LRBA: variants seen among roughly 807,000 people sequenced by gnomAD.
LRBA encodes LPS responsive beige-like anchor protein, also known as lipopolysaccharide-responsive and beige-like anchor protein.
A neutral mutation model predicts 330.0 loss-of-function variants in LRBA; 176 were observed. That is an observed-to-expected ratio of 0.53 (90% confidence interval 0.47 to 0.60). The LOEUF is 0.60. Among genes scored for constraint, LRBA ranks in the 20% least tolerant of loss-of-function variants. The pLI, the probability that LRBA is intolerant of heterozygous loss-of-function variation, is 0.00. For missense variants in LRBA, 3,259 were observed against 3,444.8 expected (o/e 0.95, Z 1.35); for synonymous variants, 1,230 against 1,193.0 (o/e 1.03, Z -0.64).
chr4:150,548,287 T>C (rs1766094661), intron 40 of LRBA, among the ~76,000 whole-genome samples: 1 of 152,176 alleles, frequency 6.6e-6, no homozygotes, highest in African/African-American at 2.4e-5. Context: ...AGTACTTTTG[T>C]CTTCTGTCCC....
chr4:150,441,755 C>T (rs552062283), intron 44 of LRBA, among the ~76,000 whole-genome samples: 1 of 151,676 alleles, frequency 6.6e-6, no homozygotes. Flanking sequence ...ACCTAGTACT[C>T]AAAAGTCCTT....
In LRBA at chr4:150,498,402, G is replaced by C. The variant is rs1759835064; in HGVS notation, c.6331-7367C>G. On this transcript the variant is annotated intron_variant, in intron 40 of 56. Coordinates refer to ENST00000651943, the MANE Select transcript of LRBA (RefSeq NM_001364905.1). ...CTTAATGAGTCAAAAGCCAAACGTA[G>C]TAATGAAGGAGAAGAACAAAGAAGG... 3.9e-5 allele frequency among the ~76,000 whole-genome samples: 6 copies of C among 152,126 alleles called. No homozygotes were observed. In the South Asian group the frequency reaches 1.2e-3, roughly 31 times the overall value.
intron 29 of LRBA, 56 bp downstream of exon 29, chr4:150,831,761 A>C: frequency 1.5e-6 from 2 of 1,355,788 alleles, no homozygotes; most frequent in Non-Finnish European, 2.0e-6. Context: ...TAACCATCAA[A>C]AGTAAGTAAC....
intron 38 of LRBA, among the ~76,000 whole-genome samples, chr4:150,595,666 A>C (rs1773407915): frequency 6.6e-6 from 1 of 151,944 alleles, no homozygotes; most frequent in African/African-American, 2.4e-5. Flanking sequence ...ATATTTAATA[A>C]TGAATTTTAG....
intron 40 of LRBA, among the ~76,000 whole-genome samples, chr4:150,495,915 CTTGTT>C (rs1759538823): frequency 6.6e-6 from 1 of 152,084 alleles, no homozygotes; most frequent in African/African-American, 2.4e-5. Flanking sequence ...TGTTTACCAC[CTTGTT>C]TTATTATTGT....
chr4:150,885,648 A>C (rs916255303), intron 17 of LRBA, among the ~76,000 whole-genome samples: 3 of 152,148 alleles, frequency 2.0e-5, no homozygotes, highest in Non-Finnish European at 4.4e-5. Context: ...ACAACTAAAC[A>C]AACCACAGTC....
chr4:150,723,427 A>C (rs1347720904), intron 36 of LRBA, among the ~76,000 whole-genome samples: 1 of 152,182 alleles, frequency 6.6e-6, no homozygotes, highest in Non-Finnish European at 1.5e-5. Context: ...CTTAGCTCTC[A>C]GATGATATTT....
intron 34 of LRBA, among the ~76,000 whole-genome samples, chr4:150,773,424 C>T (rs1157870531): frequency 6.6e-6 from 1 of 152,198 alleles, no homozygotes; most frequent in African/African-American, 2.4e-5. Flanking sequence ...TCAATTTGCT[C>T]AAGCATTGAA....
chr4:150,667,601 TA>T (rs1424345368), intron 37 of LRBA, among the ~76,000 whole-genome samples: 2 of 152,140 alleles, frequency 1.3e-5, no homozygotes, highest in Non-Finnish European at 2.9e-5. Flanking sequence ...GTGACAATAT[TA>T]GGAGGTAGGG....
At chr4:150,895,287 T>C (rs1729940573) in intron 16 of LRBA, among the ~76,000 whole-genome samples, 1 of 151,884 alleles carries the variant, frequency 6.6e-6, no homozygotes, top group African/African-American at 2.4e-5. Flanking sequence ...TTCTTTTTAT[T>C]TTTTTTTAAT....
At chr4:150,842,914 G>A (rs888753226) in intron 28 of LRBA, among the ~76,000 whole-genome samples, 4 of 151,952 alleles carry the variant, frequency 2.6e-5, no homozygotes, top group African/African-American at 9.7e-5. Context: ...AAGAGGCGGG[G>A]TGGGGGTAGG....
chr4:150,285,680 C>T (rs535910513), intron 54 of LRBA, among the ~76,000 whole-genome samples: 1 of 152,362 alleles, frequency 6.6e-6, no homozygotes, highest in East Asian at 1.9e-4. Context: ...TGGAAATGAT[C>T]TGTATCTGTG....
chr4:150,834,401 T>C (rs1471885566), intron 28 of LRBA, among the ~76,000 whole-genome samples: 1 of 152,220 alleles, frequency 6.6e-6, no homozygotes, highest in Non-Finnish European at 1.5e-5. Context: ...ATCCATGAAC[T>C]GCAGAATGAA....
chr4:150,505,724 T>G (rs1760976413), intron 40 of LRBA, among the ~76,000 whole-genome samples: 1 of 151,972 alleles, frequency 6.6e-6, no homozygotes, highest in African/African-American at 2.4e-5. Flanking sequence ...AAGAAATAAC[T>G]AAGATCAGAG....
At chr4:150,818,004 C>T (rs938759636) in intron 30 of LRBA, among the ~76,000 whole-genome samples, 1 of 152,056 alleles carries the variant, frequency 6.6e-6, no homozygotes, top group East Asian at 1.9e-4. Context: ...CACAGCAGTG[C>T]TTACTTTTAA....
rs72721709 is a variant in LRBA, at chr4:150,958,407, C to G, written c.217-29342G>C. Among the ~76,000 whole-genome samples the G allele has an allele frequency of 1.1e-3, 168 of 149,134 alleles. 1 individual carries two copies. The highest frequency in any genetic ancestry group is 1.7e-3 in the Non-Finnish European group (113 of 68,030). On this transcript the variant is annotated intron_variant, in intron 2 of 56. Coordinates refer to ENST00000651943, the MANE Select transcript of LRBA (RefSeq NM_001364905.1). ...CACAATGTCCCCAGACTGCACAAAG[C>G]TGCAAGTCCCGGAGGCCAGCCCACA...
At position 150,671,041 on chromosome 4, in the gene LRBA, T is replaced by TGAGA. The variant is rs369417809; in HGVS notation, c.5921+12506_5921+12509dup. 2.4e-4 allele frequency among the ~76,000 whole-genome samples: 34 copies of TGAGA among 142,830 alleles called. No individual in the cohort carries two copies. The South Asian group carries it at 5.8e-3, about 24-fold the overall frequency. 93.7% of individuals were successfully genotyped at this position (142,830 alleles called of 152,430 possible). On this transcript the variant is annotated intron_variant, in intron 37 of 56. Coordinates refer to ENST00000651943, the MANE Select transcript of LRBA (RefSeq NM_001364905.1). ...GTGTGTGTGTGTGTGTGTGTGTGTGTGAGAGAGAGAGAGAGAGAGAGACAG... is the reference window on the plus strand; with the variant it reads ...GTGTGTGTGTGTGTGTGTGTGTGTGTGAGAGAGAGAGAGAGAGAGAGAGAGACAG...
rs1731299484 is a variant in LRBA at position 150,737,266 on chromosome 4, C to T, written c.5646-1900G>A. 1.3e-5 allele frequency among the ~76,000 whole-genome samples: 2 copies of T among 152,100 alleles called. 1 individual carries two copies. The highest frequency in any genetic ancestry group is 4.2e-4 in the South Asian group (2 of 4,818). On this transcript the variant is annotated intron_variant, in intron 35 of 56. Coordinates refer to ENST00000651943, the MANE Select transcript of LRBA (RefSeq NM_001364905.1). ...AGAATTCTATCCTCTTCAAGACCAGCCTGGGTAACATAGTGAAACCCTGTC... is the reference window on the plus strand; with the variant it reads ...AGAATTCTATCCTCTTCAAGACCAGTCTGGGTAACATAGTGAAACCCTGTC...
At chr4:150,675,642 C>T (rs982777453) in intron 37 of LRBA, among the ~76,000 whole-genome samples, 10 of 152,100 alleles carry the variant, frequency 6.6e-5, no homozygotes, top group African/African-American at 2.4e-4. Context: ...TGCCTGAACC[C>T]GGGAAGTGGA....
Sources: gnomAD v4.1 joint callset for allele counts (sites outside exome capture counted in the v4.1 genomes callset) on GRCh38, gnomAD v4.1.1 for gene constraint, MANE v1.5 for transcripts, NCBI Gene and HGNC (gene_info 2026-07-23, HGNC 2026-07-21) for gene names.